ASB2: variants seen among roughly 807,000 people sequenced by gnomAD.
ASB2 encodes ankyrin repeat and SOCS box containing 2.
ASB2 carries 58 observed loss-of-function variants against 62.4 expected under a neutral mutation model. The observed-to-expected ratio is 0.93, with a 90% CI of 0.75 to 1.16. ASB2 has a LOEUF of 1.16. Among genes scored for constraint, ASB2 ranks in the 50% most tolerant of loss-of-function variants. The pLI is 0.00. For missense variants in ASB2, 928 were observed against 887.9 expected (o/e 1.05, Z -0.57); for synonymous variants, 386 against 385.3 (o/e 1.00, Z -0.02).
At chr14:93,963,864 G>T (rs1889490686) in intron 2 of ASB2, among the ~76,000 whole-genome samples, 1 of 152,184 alleles carries the variant, frequency 6.6e-6, no homozygotes, top group Non-Finnish European at 1.5e-5. Context: ...AGAAAGTCCT[G>T]TGACTGAGAG....
intron 1 of ASB2, among the ~76,000 whole-genome samples, chr14:93,971,863 C>G (rs1212626685): frequency 6.6e-6 from 1 of 151,828 alleles, no homozygotes; most frequent in East Asian, 1.9e-4. Flanking sequence ...GGATGTTTTT[C>G]AAGATTTGAG....
chr14:93,939,146 C>G lies in ASB2; in HGVS notation c.1579G>C (p.Asp527His). The part of the protein sequence containing the change: ...PAPQPSSRFN[D>H]APAADKEPSV... ...GGCTCCTTGTCGGCCGCGGGCGCGT[C>G]GTTGAACCTGCTGGAGGGCTGCGGG... Residue 527 changes from aspartate (D) to histidine (H), a missense_variant, in exon 8 of 10, where the codon GAC becomes CAC. Physicochemically the swap from Asp to His is moderately conservative, Grantham distance 81. Coordinates refer to ENST00000555019, the MANE Select transcript of ASB2 (RefSeq NM_001202429.2). 6.4e-7 allele frequency: 1 copy of G among 1,570,020 alleles called. No homozygotes were observed. Among genetic ancestry groups the G allele is most frequent in the East Asian group, 2.3e-5 (1 of 43,510 alleles).
chr14:93,974,313 A>G, intron 1 of ASB2, among the ~76,000 whole-genome samples: 1 of 152,174 alleles, frequency 6.6e-6, no homozygotes, highest in Non-Finnish European at 1.5e-5. Context: ...CCCAACCACA[A>G]AGCTCTTAAT....
chr14:93,939,594 G>T lies in ASB2; in HGVS notation c.1131C>A (p.Ala377=). ...CCAGCACCTCGTCGTGGTTGCGCTCGGCCGCCAGGTGCAGCGGACTGACGC... is the reference window on the plus strand; with the variant it reads ...CCAGCACCTCGTCGTGGTTGCGCTCTGCCGCCAGGTGCAGCGGACTGACGC... ...RSGVSPLHLA[A]ERNHDEVLEA... Residue 377 remains alanine, a synonymous_variant, in exon 8 of 10, where the codon GCC becomes GCA. Transcript: ENST00000555019. 6.4e-7 allele frequency: 1 copy of T among 1,571,154 alleles called. No individual in the cohort carries two copies. Among genetic ancestry groups the T allele is most frequent in the African/African-American group, 1.4e-5 (1 of 73,724 alleles).
chr14:93,957,035 A>C, intron 2 of ASB2, 165 bp from the exon 3 acceptor site: 1 of 1,509,398 alleles, frequency 6.6e-7, no homozygotes, highest in Non-Finnish European at 8.8e-7. Flanking sequence ...TGTGTGCTGG[A>C]CACAGCTGCT....
intron 1 of ASB2, among the ~76,000 whole-genome samples, chr14:93,975,753 C>T (rs1889893137): frequency 6.6e-6 from 1 of 152,238 alleles, no homozygotes; most frequent in African/African-American, 2.4e-5. Context: ...AGCTGCTCCT[C>T]CACCTGGAGG....
At chr14:93,949,377 A>C (rs1022334533) in intron 6 of ASB2, among the ~76,000 whole-genome samples, 1 of 152,244 alleles carries the variant, frequency 6.6e-6, no homozygotes, top group Non-Finnish European at 1.5e-5. Flanking sequence ...GAAAGCCTTT[A>C]GGAGCCTCGG....
At chr14:93,936,093 T>C (rs1329669039) in intron 9 of ASB2, among the ~76,000 whole-genome samples, 2 of 152,176 alleles carry the variant, frequency 1.3e-5, no homozygotes, top group Non-Finnish European at 2.9e-5. Context: ...ACCTCCCCTC[T>C]GGGAAACTCA....
At chr14:93,938,364 C>T (rs879605199) in intron 8 of ASB2, among the ~76,000 whole-genome samples, 39 of 150,898 alleles carry the variant, frequency 2.6e-4, no homozygotes, top group Admixed American at 2.6e-3. Flanking sequence ...CTTAGCCTCC[C>T]GAGCACCTGG....
At chr14:93,951,389 C>G in intron 5 of ASB2, 145 bp from the exon 6 acceptor site, 1 of 971,146 alleles carries the variant, frequency 1.0e-6, no homozygotes, top group Non-Finnish European at 1.5e-6. Flanking sequence ...CTGCATTGAA[C>G]CTGGGATAGG....
intron 7 of ASB2, among the ~76,000 whole-genome samples, chr14:93,943,211 T>C (rs78991601): frequency 0.01 from 1,586 of 152,330 alleles, 13 homozygotes; most frequent in Non-Finnish European, 0.016. Context: ...GATTGGCCCG[T>C]AGTCGGCAGT....
At chr14:93,955,126 G>A (rs905502440) in intron 3 of ASB2, 5 of 456,692 alleles carry the variant, frequency 1.1e-5, no homozygotes, top group Non-Finnish European at 2.2e-5. Flanking sequence ...TGGAGAGTCC[G>A]TGAGAACCAC....
intron 7 of ASB2, 62 bp from the exon 8 acceptor site, chr14:93,939,734 G>T: frequency 2.4e-6 from 3 of 1,272,882 alleles, no homozygotes; most frequent in Non-Finnish European, 3.0e-6. Flanking sequence ...GGTAGGGCCG[G>T]CCCCGCCAGC....
In ASB2 at chr14:93,939,481, A is replaced by C. The variant is rs973066712; in HGVS notation, c.1244T>G (p.Leu415Arg). The C allele has an allele frequency of 6.2e-7, 1 of 1,611,818 alleles. No individual in the cohort carries two copies. Among genetic ancestry groups the C allele is most frequent in the Non-Finnish European group, 8.5e-7 (1 of 1,179,538 alleles). The change falls in exon 8 of 10, where the codon CTG (leucine) becomes CGG (arginine). Residue 415 changes from leucine (L) to arginine (R), a missense_variant. Leu to Arg is a moderately radical substitution (Grantham distance 102, BLOSUM62 -2). Transcript: ENST00000555019. ...RLYEDRRSSA[L>R]YFAVVNNNVY... ...GTTGTTGTTGACCACCGCGAAGTAC[A>C]GCGCGGAGCTGCGCCGGTCTTCGTA...
intron 9 of ASB2, among the ~76,000 whole-genome samples, chr14:93,937,233 C>A (rs1054408856): frequency 1.3e-5 from 2 of 152,204 alleles, no homozygotes; most frequent in African/African-American, 4.8e-5. Flanking sequence ...AATGCAGACT[C>A]CCCGGCCCCG....
Position 93,964,604 on chromosome 14 carries a change from C to A in ASB2, c.-65G>T. On this transcript the variant is annotated 5_prime_UTR_variant, in exon 2 of 10. Transcript: ENST00000555019. ...CAGTGGGGAGGAGGGAACAGCAAAT[C>A]AGAAAACCCTGTGAGGAAACCAAAA... 2 of 1,470,606 alleles carry A rather than the reference C, an allele frequency of 1.4e-6. No homozygotes were observed. The highest frequency in any genetic ancestry group is 2.4e-5 in the South Asian group (2 of 82,774). 91.1% of individuals were successfully genotyped at this position (1,470,606 alleles called of 1,614,324 possible). A position where few individuals can be genotyped will look rare whatever the true frequency, so the allele number is the denominator to read the frequency against.
intron 1 of ASB2, among the ~76,000 whole-genome samples, chr14:93,974,464 G>A (rs1889852333): frequency 6.6e-6 from 1 of 152,226 alleles, no homozygotes; most frequent in African/African-American, 2.4e-5. Flanking sequence ...AAGGACACTG[G>A]GCAGGCCCAG....
rs1888401116 is a variant in ASB2 at position 93,939,202 on chromosome 14, C to T, written c.1523G>A (p.Cys508Tyr). The T allele has an allele frequency of 4.4e-6, 7 of 1,606,376 alleles. No homozygotes were observed. Among genetic ancestry groups the T allele is most frequent in the Non-Finnish European group, 6.0e-6 (7 of 1,175,206 alleles). Residue 508 changes from cysteine (C) to tyrosine (Y), a missense_variant, in exon 8 of 10, where the codon TGC (cysteine) becomes TAC (tyrosine). Physicochemically the swap from Cys to Tyr is radical, Grantham distance 194 (BLOSUM62 -2). Coordinates refer to ENST00000555019, the MANE Select transcript of ASB2 (RefSeq NM_001202429.2). ...LGCDGEPCFS[C>Y]LYGNGPHPPA... is the part of the protein sequence containing the mutation. ...CGGGTGCGGGCCGTTGCCGTAGAGG[C>T]ATGAGAAGCAGGGCTCGCCGTCGCA...
At position 93,951,057 on chromosome 14, in the gene ASB2, G is replaced by A. The variant is rs140021703; in HGVS notation, c.822C>T (p.Pro274=). The A allele has an allele frequency of 6.2e-7, 1 of 1,614,168 alleles. No homozygotes were observed. The highest frequency in any genetic ancestry group is 1.3e-5 in the African/African-American group (1 of 75,060). ...GTCCACTCTGGGCGGCCACGAACAA[G>A]GGGGTGATGCCGTAGGCGTTCTTGG... ...VESKNAYGIT[P]LFVAAQSGQL... Residue 274 remains proline (P), a synonymous_variant, in exon 6 of 10, where the codon CCC becomes CCT. Transcript: ENST00000555019.
Sources: allele counts gnomAD v4.1 joint callset (sites outside exome capture counted in the v4.1 genomes callset), GRCh38; gene constraint gnomAD v4.1.1; transcripts MANE v1.5; gene names NCBI Gene and HGNC (gene_info 2026-07-23, HGNC 2026-07-21).